Variants in DNAH9 observed in about 807,000 individuals in gnomAD.
DNAH9 encodes DNAH9 variant protein.
DNAH9 carries 345 observed loss-of-function variants against 471.6 expected under a neutral mutation model. The ratio of observed to expected loss-of-function variants is 0.73; its 90% CI spans 0.67 to 0.80. The LOEUF is 0.80. DNAH9 is among the 30% of genes least tolerant of loss of function. The pLI is 0.00. For synonymous variants in DNAH9, 2,093 were observed against 2,123.6 expected, an observed-to-expected ratio of 0.99 and a Z score of 0.40; for missense variants, 5,407 against 5,609.2, an observed-to-expected ratio of 0.96 and a Z score of 1.15.
chr17:11,947,770 CTAT>C (rs1975184204), intron 67 of DNAH9, among the ~76,000 whole-genome samples: 1 of 98,554 alleles, frequency 1.0e-5, no homozygotes, highest in Non-Finnish European at 2.1e-5. Context: ...GGGCTGGGAA[CTAT>C]TTTTTTTTTT....
intron 68 of DNAH9, 53 bp from the exon 69 acceptor site, chr17:11,969,247 T>A: frequency 6.6e-7 from 1 of 1,521,732 alleles, no homozygotes; most frequent in South Asian, 1.2e-5. Flanking sequence ...CAAGGCTGGT[T>A]GGCTGGGCTC....
chr17:11,901,530 T>C (rs1264597915), intron 59 of DNAH9, among the ~76,000 whole-genome samples: 1 of 152,094 alleles, frequency 6.6e-6, no homozygotes, highest in Non-Finnish European at 1.5e-5. Context: ...ACCCCGTCTC[T>C]ACTAAAAATA....
At chr17:11,759,748 G>A (rs1299393574) in intron 35 of DNAH9, among the ~76,000 whole-genome samples, 11 of 149,836 alleles carry the variant, frequency 7.3e-5, no homozygotes, top group South Asian at 4.2e-4. Flanking sequence ...GTGCAATGGC[G>A]TGATCTCAGC....
At chr17:11,604,118 G>A (rs753799906) in intron 1 of DNAH9, among the ~76,000 whole-genome samples, 2 of 151,910 alleles carry the variant, frequency 1.3e-5, no homozygotes, top group Non-Finnish European at 2.9e-5. Context: ...CGCCTCCTGG[G>A]TTCAAGCAAT....
At chr17:11,798,959 A>ACTG (rs1250972866) in intron 43 of DNAH9, among the ~76,000 whole-genome samples, 7 of 151,900 alleles carry the variant, frequency 4.6e-5, no homozygotes, top group African/African-American at 1.7e-4. Context: ...TTTCCTACTC[A>ACTG]TTCTTCCTCC....
intron 59 of DNAH9, among the ~76,000 whole-genome samples, chr17:11,895,665 C>G (rs1201854570): frequency 6.6e-6 from 1 of 152,088 alleles, no homozygotes; most frequent in Non-Finnish European, 1.5e-5. Context: ...TCATGTTGGC[C>G]TTCTATAACC....
chr17:11,810,638 G>T (rs1192838065), intron 45 of DNAH9, among the ~76,000 whole-genome samples: 1 of 152,196 alleles, frequency 6.6e-6, no homozygotes, highest in Non-Finnish European at 1.5e-5. Context: ...GAAGAAGAGA[G>T]GGTTAAGAGC....
chr17:11,895,021 A>G (rs530580027), intron 59 of DNAH9, among the ~76,000 whole-genome samples: 1 of 152,286 alleles, frequency 6.6e-6, no homozygotes, highest in African/African-American at 2.4e-5. Context: ...CACCTGGGCA[A>G]TAGGTATTAT....
intron 9 of DNAH9, among the ~76,000 whole-genome samples, chr17:11,637,233 C>A (rs184463849): frequency 5.3e-5 from 8 of 152,272 alleles, no homozygotes; most frequent in Admixed American, 1.3e-4. Flanking sequence ...CATGCCAAGG[C>A]GTGATGTCTC....
intron 66 of DNAH9, among the ~76,000 whole-genome samples, chr17:11,940,993 C>T (rs1413757193): frequency 8.5e-5 from 13 of 152,130 alleles, no homozygotes; most frequent in Admixed American, 4.6e-4. Flanking sequence ...TAAAAAATCA[C>T]GATGGCTCTA....
At chr17:11,652,126 TAAAAG>T (rs2073520923) in intron 13 of DNAH9, among the ~76,000 whole-genome samples, 1 of 152,144 alleles carries the variant, frequency 6.6e-6, no homozygotes, top group African/African-American at 2.4e-5. Flanking sequence ...CTTAAAACAT[TAAAAG>T]AAAGATTAAC....
intron 20 of DNAH9, among the ~76,000 whole-genome samples, chr17:11,692,391 G>A (rs895226010): frequency 3.9e-5 from 6 of 152,286 alleles, no homozygotes; most frequent in Non-Finnish European, 7.3e-5. Context: ...TTTGGCTGAA[G>A]CTAATTGCAT....
rs114959022 is a variant in DNAH9, at chr17:11,918,051, A to G, written c.11750-5763A>G. 4.5e-3 allele frequency among the ~76,000 whole-genome samples: 677 copies of G among 152,040 alleles called. 7 individuals carry two copies. Among genetic ancestry groups the G allele is most frequent in the African/African-American group, 0.016 (647 of 41,466 alleles). Reference sequence around the variant, plus strand: ...CTTCTACTGTCTCCTTTTCTCTCCAACGTTCTGAGATTTTTGTAGGCCTGC... The same window carrying G: ...CTTCTACTGTCTCCTTTTCTCTCCAGCGTTCTGAGATTTTTGTAGGCCTGC... On this transcript the variant is annotated intron_variant, in intron 61 of 68. Transcript: ENST00000262442.
intron 38 of DNAH9, among the ~76,000 whole-genome samples, chr17:11,773,126 G>T (rs1253743628): frequency 6.6e-6 from 1 of 152,218 alleles, no homozygotes; most frequent in African/African-American, 2.4e-5. Flanking sequence ...AGCTGCTCTA[G>T]TATCATTCAA....
intron 28 of DNAH9, among the ~76,000 whole-genome samples, chr17:11,738,369 G>A (rs924641339): frequency 1.3e-5 from 2 of 152,082 alleles, no homozygotes; most frequent in Non-Finnish European, 2.9e-5. Flanking sequence ...GTGGCTGTGG[G>A]CAGCCAGATT....
At chr17:11,752,726 C>T in intron 32 of DNAH9, 107 bp from the exon 33 acceptor site, 1 of 811,016 alleles carries the variant, frequency 1.2e-6, no homozygotes, top group Non-Finnish European at 1.9e-6. Flanking sequence ...TTTGCATGTT[C>T]CATGTACGCC....
chr17:11,897,636 C>G (rs1473182612), intron 59 of DNAH9, among the ~76,000 whole-genome samples: 1 of 152,220 alleles, frequency 6.6e-6, no homozygotes, highest in Non-Finnish European at 1.5e-5. Flanking sequence ...TTAACACAGG[C>G]TCTGGAGTCA....
At chr17:11,960,203 A>G (rs1325115975) in intron 67 of DNAH9, among the ~76,000 whole-genome samples, 1 of 152,144 alleles carries the variant, frequency 6.6e-6, no homozygotes, top group Non-Finnish European at 1.5e-5. Context: ...TGGGAGGCCA[A>G]GGCGGGTGGA....
intron 29 of DNAH9, 53 bp from the exon 30 acceptor site, chr17:11,742,122 C>T: frequency 6.3e-7 from 1 of 1,584,954 alleles, no homozygotes; most frequent in South Asian, 1.1e-5. Flanking sequence ...GCAGTCTCCT[C>T]TTCAACACTG....
Sources: allele counts gnomAD v4.1 joint callset (sites outside exome capture counted in the v4.1 genomes callset), GRCh38; gene constraint gnomAD v4.1.1; transcripts MANE v1.5; gene names NCBI Gene and HGNC (gene_info 2026-07-23, HGNC 2026-07-21).